KCNMA1: variants seen among roughly 807,000 people sequenced by gnomAD.
KCNMA1 encodes the protein potassium calcium-activated channel subfamily M alpha 1.
A neutral mutation model predicts 140.0 loss-of-function variants in KCNMA1; 29 were observed. The observed-to-expected ratio is 0.21, with a 90% CI of 0.15 to 0.28. KCNMA1 has a LOEUF of 0.28. Among genes scored for constraint, KCNMA1 ranks in the 10% least tolerant of loss-of-function variants. The pLI, the probability that KCNMA1 is intolerant of heterozygous loss-of-function variation, is 1.00. For missense variants in KCNMA1, 880 were observed against 1,602.2 expected, an observed-to-expected ratio of 0.55 and a Z score of 7.70; for synonymous variants, 612 against 611.9, an observed-to-expected ratio of 1.00 and a Z score of 0.00.
intron 19 of KCNMA1, among the ~76,000 whole-genome samples, chr10:76,982,337 A>C (rs1253666990): frequency 6.6e-6 from 1 of 151,972 alleles, no homozygotes; most frequent in Non-Finnish European, 1.5e-5. Context: ...GGAAAAAAAA[A>C]AAAAAAGAAA....
At chr10:77,544,105 T>G (rs1201063461) in intron 1 of KCNMA1, among the ~76,000 whole-genome samples, 1 of 151,898 alleles carries the variant, frequency 6.6e-6, no homozygotes, top group African/African-American at 2.4e-5. Context: ...GATCCCATTA[T>G]TCTAAAATTA....
chr10:77,015,965 A>G (rs963672064), intron 17 of KCNMA1, among the ~76,000 whole-genome samples: 2 of 152,164 alleles, frequency 1.3e-5, no homozygotes, highest in Non-Finnish European at 2.9e-5. Flanking sequence ...CAATGCAGGA[A>G]GAATGACCTT....
rs7073015 is a variant in KCNMA1 at position 76,885,309 on chromosome 10, G to A, written c.*1957C>T. ...ACATAATATAAATCAATATATAGAG[G>A]GACAAAAATAATTTGAAAAAATTCT... On this transcript the variant is annotated 3_prime_UTR_variant, in exon 28 of 28. Transcript: ENST00000286628. 680,061 of 865,032 alleles carry A rather than the reference G, an allele frequency of 0.79. 268,856 individuals are homozygous for A. The highest frequency in any genetic ancestry group is 0.91 in the African/African-American group (49,178 of 54,194). The allele number at this position is 865,032 out of a possible 1,614,324, so 53.6% of individuals were successfully genotyped here.
At chr10:77,550,956 T>C (rs139194205) in intron 1 of KCNMA1, among the ~76,000 whole-genome samples, 136 of 152,288 alleles carry the variant, frequency 8.9e-4, no homozygotes, top group African/African-American at 3.2e-3. Flanking sequence ...GACACACTCA[T>C]AGAGTATTCA....
chr10:77,599,720 T>A (rs2082042567), intron 1 of KCNMA1, among the ~76,000 whole-genome samples: 2 of 152,154 alleles, frequency 1.3e-5, no homozygotes, highest in East Asian at 1.9e-4. Context: ...TACATGATTG[T>A]TCTCCTTTGT....
At chr10:77,007,459 C>T (rs2089226840) in intron 18 of KCNMA1, among the ~76,000 whole-genome samples, 1 of 151,890 alleles carries the variant, frequency 6.6e-6, no homozygotes. Context: ...TCCAGTAAGA[C>T]AATTGAGATA....
At chr10:77,557,049 A>C (rs2064775529) in intron 1 of KCNMA1, among the ~76,000 whole-genome samples, 1 of 152,192 alleles carries the variant, frequency 6.6e-6, no homozygotes, top group Non-Finnish European at 1.5e-5. Flanking sequence ...ATTTTGGCAA[A>C]AGAGCAAAAG....
At chr10:76,929,778 G>A (rs2058791874) in intron 23 of KCNMA1, among the ~76,000 whole-genome samples, 1 of 152,140 alleles carries the variant, frequency 6.6e-6, no homozygotes, top group Admixed American at 6.5e-5. Flanking sequence ...CCAGGTGAGT[G>A]CAATGTGCAG....
At chr10:77,003,468 T>C (rs1210251846) in intron 18 of KCNMA1, among the ~76,000 whole-genome samples, 1 of 152,220 alleles carries the variant, frequency 6.6e-6, no homozygotes, top group Non-Finnish European at 1.5e-5. Flanking sequence ...AAATTTATCT[T>C]AAATGCATCC....
chr10:77,395,194 A>G (rs575046464), intron 2 of KCNMA1, among the ~76,000 whole-genome samples: 2 of 152,224 alleles, frequency 1.3e-5, no homozygotes, highest in South Asian at 4.2e-4. Context: ...AAAAAATTTA[A>G]GAAAACATAG....
At chr10:77,545,754 C>A (rs184565572) in intron 1 of KCNMA1, among the ~76,000 whole-genome samples, 3 of 152,354 alleles carry the variant, frequency 2.0e-5, no homozygotes, top group Non-Finnish European at 2.9e-5. Flanking sequence ...AAAATGCACA[C>A]CTGTGTTGGC....
chr10:77,223,914 C>T lies in KCNMA1; in HGVS notation c.602+27281G>A, dbSNP rs115472674. Among the ~76,000 whole-genome samples the T allele has an allele frequency of 6.7e-3, 1,027 of 152,222 alleles. 16 individuals carry two copies. Among genetic ancestry groups the T allele is most frequent in the African/African-American group, 0.024 (982 of 41,550 alleles). ...CATGACTTAAAATATCCAACTGCCA[C>T]GAGAGAAGTTCCAGAACAGAGGAGC... On this transcript the variant is annotated intron_variant, in intron 3 of 27. Coordinates refer to ENST00000286628, the MANE Select transcript of KCNMA1 (RefSeq NM_001161352.2).
At chr10:76,977,162 C>A (rs980033913) in intron 19 of KCNMA1, among the ~76,000 whole-genome samples, 3 of 152,156 alleles carry the variant, frequency 2.0e-5, no homozygotes, top group African/African-American at 4.8e-5. Flanking sequence ...CTAGCACTTG[C>A]AGTCCGCGTT....
intron 1 of KCNMA1, among the ~76,000 whole-genome samples, chr10:77,506,302 C>G (rs992676140): frequency 1.3e-5 from 2 of 152,130 alleles, no homozygotes; most frequent in African/African-American, 2.4e-5. Context: ...CTGGCTGCAG[C>G]ACATCTAGGG....
At chr10:77,280,622 G>A (rs908373598) in intron 2 of KCNMA1, among the ~76,000 whole-genome samples, 2 of 151,878 alleles carry the variant, frequency 1.3e-5, no homozygotes, top group African/African-American at 4.8e-5. Flanking sequence ...TACCTCCTAG[G>A]CTCAAGGGCT....
chr10:77,537,836 G>A (rs1187548439), intron 1 of KCNMA1, among the ~76,000 whole-genome samples: 4 of 151,930 alleles, frequency 2.6e-5, no homozygotes, highest in Non-Finnish European at 5.9e-5. Context: ...TGCTCCTCCC[G>A]GCGCACATTC....
chr10:77,248,276 C>T (rs538697026), intron 3 of KCNMA1, among the ~76,000 whole-genome samples: 6 of 152,154 alleles, frequency 3.9e-5, no homozygotes, highest in South Asian at 2.1e-4. Flanking sequence ...ATACATTAAT[C>T]GGCATTCCTT....
At chr10:77,153,531 C>A (rs533814515) in intron 5 of KCNMA1, among the ~76,000 whole-genome samples, 3 of 152,156 alleles carry the variant, frequency 2.0e-5, no homozygotes, top group African/African-American at 7.2e-5. Flanking sequence ...ACCTCTACAT[C>A]CAGCTAATTT....
chr10:77,381,497 G>A (rs1330623988), intron 2 of KCNMA1, among the ~76,000 whole-genome samples: 4 of 152,124 alleles, frequency 2.6e-5, no homozygotes, highest in South Asian at 2.1e-4. Context: ...TTTCCTTCTC[G>A]GCAGTATAAG....
Sources: allele counts gnomAD v4.1 joint callset (sites outside exome capture counted in the v4.1 genomes callset), GRCh38; gene constraint gnomAD v4.1.1; transcripts MANE v1.5; gene names NCBI Gene and HGNC (gene_info 2026-07-23, HGNC 2026-07-21).